Variants in SLC8A1 observed in about 807,000 individuals in gnomAD.
The protein encoded by SLC8A1 is sodium/calcium exchanger 1.
Under a neutral mutation model 68.3 loss-of-function variants are expected in SLC8A1, and 18 were observed. That is an observed-to-expected ratio of 0.26 (90% CI 0.18 to 0.39). The LOEUF (loss-of-function observed/expected upper bound fraction) is 0.39. Among genes scored for constraint, SLC8A1 ranks in the 10% least tolerant of loss-of-function variants. The probability of loss-of-function intolerance (pLI) is 1.00; values close to 1 mark genes in which losing one functional copy is unlikely to be tolerated. For synonymous variants in SLC8A1, 475 were observed against 415.5 expected, an observed-to-expected ratio of 1.14 and a Z score of -1.74; for missense variants, 985 against 1,156.7, an observed-to-expected ratio of 0.85 and a Z score of 2.15.
chr2:40,397,952 G>C (rs1007568074), intron 2 of SLC8A1, among the ~76,000 whole-genome samples: 17 of 152,114 alleles, frequency 1.1e-4, no homozygotes, highest in African/African-American at 4.1e-4. Flanking sequence ...GTGGGACACT[G>C]AACTTACACA....
Position 40,430,309 on chromosome 2 carries a change from T to G in SLC8A1, c.-24-5A>C. ...ACTTCCAACTGTCACAACCTACTGG[T>G]AAAAATAAGATGGGGGAGAGGGCAG... On this transcript the variant is annotated splice_region_variant and splice_polypyrimidine_tract_variant and intron_variant, in intron 1 of 7. Coordinates refer to ENST00000406785, the Ensembl canonical transcript of SLC8A1. 1 of 1,573,294 alleles carries G rather than the reference T, an allele frequency of 6.4e-7. No homozygotes were observed. Among genetic ancestry groups the G allele is most frequent in the Non-Finnish European group, 8.6e-7 (1 of 1,161,418 alleles).
exon 8 of SLC8A1, chr2:40,102,144 A>T (rs2033930688): frequency 6.6e-6 from 1 of 152,160 alleles, no homozygotes; most frequent in Non-Finnish European, 1.5e-5. Flanking sequence ...CAGTATATAC[A>T]GCAAACCTAT....
chr2:40,303,501 C>T (rs6725530), intron 2 of SLC8A1, among the ~76,000 whole-genome samples: 12,167 of 152,150 alleles, frequency 0.08, 693 homozygotes, highest in African/African-American at 0.16. Flanking sequence ...CAAAATACTC[C>T]ACTAACTTGA....
At chr2:40,296,569 C>T (rs1214020640) in intron 2 of SLC8A1, among the ~76,000 whole-genome samples, 1 of 152,026 alleles carries the variant, frequency 6.6e-6, no homozygotes, top group Non-Finnish European at 1.5e-5. Context: ...AATCCTACTT[C>T]TGATTATTTT....
intron 2 of SLC8A1, among the ~76,000 whole-genome samples, chr2:40,320,034 A>T (rs111301896): frequency 0.01 from 1,583 of 152,228 alleles, 29 homozygotes; most frequent in African/African-American, 0.036. Flanking sequence ...GTCAAATGCC[A>T]AGGGCACAAC....
At position 40,359,463 on chromosome 2, in the gene SLC8A1, T is replaced by C. The variant is rs568234979; in HGVS notation, c.1808+69010A>G. On this transcript the variant is annotated intron_variant, in intron 2 of 7. Coordinates refer to ENST00000406785, the Ensembl canonical transcript of SLC8A1. ...TTTGTCCTGAGCGCAATGAGAAGCA[T>C]TGGGAGGCTTTACGAAGAGAGACAA... is the stretch of plus-strand genomic sequence containing the variant. Among the ~76,000 whole-genome samples the C allele has an allele frequency of 3.3e-5, 5 of 152,162 alleles. No individual in the cohort carries two copies. In the South Asian group the frequency reaches 8.3e-4, roughly 25 times the overall value.
chr2:40,437,069 AT>A (rs1181349797), intron 1 of SLC8A1, among the ~76,000 whole-genome samples: 1 of 152,172 alleles, frequency 6.6e-6, no homozygotes, highest in African/African-American at 2.4e-5. Flanking sequence ...TATCATTCGC[AT>A]TTTACAAATG....
chr2:40,484,282 G>T (rs530284022), intron 1 of SLC8A1, among the ~76,000 whole-genome samples: 73 of 152,234 alleles, frequency 4.8e-4, no homozygotes, highest in African/African-American at 1.7e-3. Flanking sequence ...CCAGCTAACT[G>T]CAGTGATGAT....
intron 2 of SLC8A1, among the ~76,000 whole-genome samples, chr2:40,392,841 A>G (rs1212799890): frequency 1.3e-5 from 2 of 152,110 alleles, no homozygotes; most frequent in Non-Finnish European, 2.9e-5. Context: ...TGTTTACGTT[A>G]AAGTGGGACA....
intron 2 of SLC8A1, among the ~76,000 whole-genome samples, chr2:40,340,011 A>C (rs1667179611): frequency 6.6e-6 from 1 of 152,190 alleles, no homozygotes; most frequent in Non-Finnish European, 1.5e-5. Context: ...ATGTCCACTG[A>C]CTATAAGTAG....
chr2:40,249,680 A>T (rs986144916), intron 2 of SLC8A1, among the ~76,000 whole-genome samples: 1 of 152,182 alleles, frequency 6.6e-6, no homozygotes, highest in African/African-American at 2.4e-5. Context: ...ATTACCATCA[A>T]TTTGAATAAG....
chr2:40,358,906 A>T (rs1486617684), intron 2 of SLC8A1, among the ~76,000 whole-genome samples: 4 of 152,226 alleles, frequency 2.6e-5, no homozygotes, highest in African/African-American at 9.6e-5. Context: ...ACAGGGATGT[A>T]GGAAGGACTT....
At chr2:40,302,832 G>A (rs778352018) in intron 2 of SLC8A1, among the ~76,000 whole-genome samples, 1 of 152,044 alleles carries the variant, frequency 6.6e-6, no homozygotes, top group Non-Finnish European at 1.5e-5. Flanking sequence ...TTCCACAGTG[G>A]TTGTACTCAT....
At chr2:40,369,444 A>G (rs1156856294) in intron 2 of SLC8A1, among the ~76,000 whole-genome samples, 1 of 152,084 alleles carries the variant, frequency 6.6e-6, no homozygotes, top group African/African-American at 2.4e-5. Flanking sequence ...GTTAACATGC[A>G]TGAACTTCAA....
chr2:40,448,963 C>A (rs1576570964), intron 1 of SLC8A1, among the ~76,000 whole-genome samples: 1 of 151,962 alleles, frequency 6.6e-6, no homozygotes, highest in Non-Finnish European at 1.5e-5. Context: ...ATAAAACATG[C>A]AACATATGTG....
At chr2:40,398,650 A>G (rs528956612) in intron 2 of SLC8A1, among the ~76,000 whole-genome samples, 30 of 152,362 alleles carry the variant, frequency 2.0e-4, no homozygotes. Flanking sequence ...TATGAAATAA[A>G]ATATGTGAAC....
At chr2:40,295,882 G>T (rs1277612407) in intron 2 of SLC8A1, among the ~76,000 whole-genome samples, 2 of 152,108 alleles carry the variant, frequency 1.3e-5, no homozygotes, top group Non-Finnish European at 2.9e-5. Flanking sequence ...CGCCCTTTCT[G>T]CGTACTTCTG....
chr2:40,428,465 G>C lies in SLC8A1; in HGVS notation c.1808+8C>G. On this transcript the variant is annotated splice_region_variant and intron_variant, in intron 2 of 7. Transcript: ENST00000406785. ...CACACACACACACATATATAATATAGAACTTACACAATTTCATCATTCTGG... is the reference window on the plus strand; with the variant it reads ...CACACACACACACATATATAATATACAACTTACACAATTTCATCATTCTGG... The C allele has an allele frequency of 1.3e-6, 2 of 1,566,242 alleles. No homozygotes were observed. The highest frequency in any genetic ancestry group is 4.5e-5 in the East Asian group (2 of 44,408).
At position 40,504,997 on chromosome 2, in the gene SLC8A1, A is replaced by G. The variant is rs1706276943; in HGVS notation, c.-25+7352T>C. ...AAGGATATCAATATATGGAAGTGAT[A>G]TCTGTACTCCTATGTTTGTTGCAGC... On this transcript the variant is annotated intron_variant, in intron 1 of 7. Coordinates refer to the SLC8A1 transcript ENST00000402441. 2.6e-5 allele frequency among the ~76,000 whole-genome samples: 4 copies of G among 152,006 alleles called. No homozygotes were observed. The South Asian group carries it at 6.2e-4, about 24-fold the overall frequency.
Sources: gnomAD v4.1 joint callset for allele counts (sites outside exome capture counted in the v4.1 genomes callset) on GRCh38, gnomAD v4.1.1 for gene constraint, MANE v1.5 for transcripts, NCBI Gene and HGNC (gene_info 2026-07-23, HGNC 2026-07-21) for gene names.